The following NCKAP5 variants were observed in gnomAD, a reference collection of about 807,000 sequenced individuals.
NCKAP5 encodes NCK associated protein 5.
In NCKAP5, 92 loss-of-function variants were observed where a neutral mutation model predicts 167.0. That is an observed-to-expected ratio of 0.55 (90% confidence interval 0.47 to 0.66). The LOEUF is 0.66. Among genes scored for constraint, NCKAP5 ranks in the 30% least tolerant of loss-of-function variants. NCKAP5 has a pLI of 0.00. For missense variants in NCKAP5, 2,378 were observed against 2,315.0 expected, an observed-to-expected ratio of 1.03 and a Z score of -0.56; for synonymous variants, 891 against 877.4, an observed-to-expected ratio of 1.02 and a Z score of -0.27.
At chr2:133,659,714 C>G in the NCKAP5 span, among the ~76,000 whole-genome samples, 2 of 152,074 alleles carry the variant, frequency 1.3e-5, no homozygotes, top group Non-Finnish European at 2.9e-5. Context: ...TTATACAGTG[C>G]TAATGTTTGC....
chr2:133,658,044 C>T, the NCKAP5 span, among the ~76,000 whole-genome samples: 1 of 152,176 alleles, frequency 6.6e-6, no homozygotes, highest in African/African-American at 2.4e-5. Flanking sequence ...AAGGCTGAAT[C>T]TATGACTCGG....
the NCKAP5 span, among the ~76,000 whole-genome samples, chr2:133,616,631 A>G: frequency 6.6e-6 from 1 of 151,300 alleles, no homozygotes; most frequent in Admixed American, 6.5e-5. Context: ...ATAGACCAAT[A>G]ACAGGAGCTG....
At chr2:133,419,665 C>T (rs13396831) in intron 3 of NCKAP5, among the ~76,000 whole-genome samples, 32,583 of 152,130 alleles carry the variant, frequency 0.21, 3,563 homozygotes, top group African/African-American at 0.24. Context: ...CACAGATGCT[C>T]TCTTAACCAT....
chr2:132,748,916 T>G (rs1310522349), intron 16 of NCKAP5, among the ~76,000 whole-genome samples: 1 of 152,064 alleles, frequency 6.6e-6, no homozygotes, highest in Non-Finnish European at 1.5e-5. Context: ...CCCAAGTAGC[T>G]GGGACTACAG....
At chr2:133,215,086 C>T (rs190468064) in intron 4 of NCKAP5, among the ~76,000 whole-genome samples, 1 of 152,080 alleles carries the variant, frequency 6.6e-6, no homozygotes, top group Non-Finnish European at 1.5e-5. Flanking sequence ...TCCAGGTATA[C>T]AAGTTTTGGG....
intron 2 of NCKAP5, among the ~76,000 whole-genome samples, chr2:133,537,152 A>T (rs1231037388): frequency 6.6e-6 from 1 of 152,072 alleles, no homozygotes; most frequent in Non-Finnish European, 1.5e-5. Flanking sequence ...TCTACCTGTG[A>T]TGTATATGTC....
chr2:133,238,161 A>G (rs1043264983), intron 4 of NCKAP5, among the ~76,000 whole-genome samples: 1 of 152,226 alleles, frequency 6.6e-6, no homozygotes, highest in African/African-American at 2.4e-5. Context: ...TGACACTTTA[A>G]TTATATGAGC....
intron 5 of NCKAP5, among the ~76,000 whole-genome samples, chr2:133,177,737 G>T (rs1051652612): frequency 6.6e-6 from 1 of 152,172 alleles, no homozygotes; most frequent in African/African-American, 2.4e-5. Flanking sequence ...GGCCATGAAG[G>T]GAGCCAGGAC....
chr2:133,644,754 A>AT, the NCKAP5 span, among the ~76,000 whole-genome samples: 1 of 152,016 alleles, frequency 6.6e-6, no homozygotes, highest in African/African-American at 2.4e-5. Flanking sequence ...ACTATTTACA[A>AT]TTTTTTTTCT....
chr2:132,849,498 T>C (rs1374467447), intron 11 of NCKAP5, among the ~76,000 whole-genome samples: 1 of 152,146 alleles, frequency 6.6e-6, no homozygotes, highest in African/African-American at 2.4e-5. Context: ...CAATATCTCA[T>C]TCACTCAGAC....
chr2:132,704,452 A>T lies in NCKAP5; in HGVS notation c.5713+21175T>A, dbSNP rs183988035. 2.9e-3 allele frequency among the ~76,000 whole-genome samples: 437 copies of T among 152,312 alleles called. 2 individuals are homozygous for T. The highest frequency in any genetic ancestry group is 4.9e-3 in the Non-Finnish European group (332 of 68,030). ...ATCTTGATGATTTCAATGCCAACAC[A>T]GGTGAACACCTGAGCTGTGATCTCT... On this transcript the variant is annotated intron_variant, in intron 19 of 19. Transcript: ENST00000409261.
chr2:133,320,310 T>G (rs1333591778), intron 3 of NCKAP5, among the ~76,000 whole-genome samples: 1 of 152,184 alleles, frequency 6.6e-6, no homozygotes, highest in African/African-American at 2.4e-5. Flanking sequence ...TGGAGATAAT[T>G]TGGACTTCCA....
At chr2:133,583,165 A>C in the NCKAP5 span, among the ~76,000 whole-genome samples, 1 of 152,138 alleles carries the variant, frequency 6.6e-6, no homozygotes, top group African/African-American at 2.4e-5. Context: ...GTCCCCTCCA[A>C]ATGTCATGTT....
intron 18 of NCKAP5, among the ~76,000 whole-genome samples, chr2:132,728,588 G>A (rs1038399571): frequency 3.3e-5 from 5 of 152,170 alleles, no homozygotes; most frequent in Middle Eastern, 6.3e-3. Context: ...GAATCTGGGT[G>A]CATTTCAGAA....
chr2:133,348,958 C>G (rs941740383), intron 3 of NCKAP5, among the ~76,000 whole-genome samples: 2 of 152,156 alleles, frequency 1.3e-5, no homozygotes, highest in Non-Finnish European at 2.9e-5. Flanking sequence ...CTGGTGTGTT[C>G]TCTCTTATGC....
At chr2:133,129,519 A>C (rs1289848234) in intron 6 of NCKAP5, among the ~76,000 whole-genome samples, 1 of 152,186 alleles carries the variant, frequency 6.6e-6, no homozygotes, top group African/African-American at 2.4e-5. Context: ...GGTTGGTTCC[A>C]AGTCTTTGCT....
intron 8 of NCKAP5, among the ~76,000 whole-genome samples, chr2:132,959,092 T>C (rs1457773386): frequency 7.3e-6 from 1 of 137,172 alleles, no homozygotes; most frequent in East Asian, 2.2e-4. Flanking sequence ...ATAAATATAT[T>C]ATTAATATAT....
chr2:132,901,129 A>ACAGAT (rs1276847569), intron 8 of NCKAP5, among the ~76,000 whole-genome samples: 2 of 152,232 alleles, frequency 1.3e-5, no homozygotes, highest in South Asian at 4.1e-4. Flanking sequence ...ACTTGTTCTG[A>ACAGAT]CAGATTTGGT....
chr2:133,175,290 AT>A (rs921044385), intron 5 of NCKAP5, among the ~76,000 whole-genome samples: 8 of 151,900 alleles, frequency 5.3e-5, no homozygotes, highest in South Asian at 2.1e-4. Flanking sequence ...GCAAATACAC[AT>A]TTTTTTGCCC....
Sources: allele counts gnomAD v4.1 joint callset (sites outside exome capture counted in the v4.1 genomes callset), GRCh38; gene constraint gnomAD v4.1.1; transcripts MANE v1.5; gene names NCBI Gene and HGNC (gene_info 2026-07-23, HGNC 2026-07-21).